Variants in BAZ1B observed in about 807,000 individuals in gnomAD.
The protein encoded by BAZ1B is tyrosine-protein kinase BAZ1B.
BAZ1B carries 22 observed loss-of-function variants against 153.8 expected under a neutral mutation model. That is an observed-to-expected ratio of 0.14 (90% CI 0.10 to 0.20). The LOEUF (loss-of-function observed/expected upper bound fraction) is 0.20. BAZ1B is among the 10% of genes least tolerant of loss of function. The pLI is 1.00. For missense variants in BAZ1B, 1,325 were observed against 1,799.3 expected, an observed-to-expected ratio of 0.74 and a Z score of 4.77; for synonymous variants, 676 against 633.4, an observed-to-expected ratio of 1.07 and a Z score of -1.01.
intron 1 of BAZ1B, among the ~76,000 whole-genome samples, chr7:73,517,182 C>CAA (rs201015912): frequency 1.1e-4 from 16 of 147,810 alleles, no homozygotes; most frequent in Non-Finnish European, 1.6e-4. Flanking sequence ...TAACCCAGCT[C>CAA]AAAAACAAAA....
chr7:73,492,870 C>T lies in BAZ1B; in HGVS notation c.623G>A (p.Gly208Glu), dbSNP rs782045032. The T allele has an allele frequency of 4.9e-5, 79 of 1,610,320 alleles. 1 individual carries two copies. In the Middle Eastern group the frequency reaches 5.4e-4, roughly 11 times the overall value. The change falls in exon 5 of 20, where the codon GGA (glycine) becomes GAA (glutamate). Residue 208 changes from glycine (G) to glutamate (E), a missense_variant. Transcript: ENST00000339594. ...TTTTGGAGGAGCCCATTTCCTTTCT[C>T]CTTTTTTTAATGAAGTAGGAAGTTT... ...PRKLPTSLKK[G>E]ERKWAPPKFL...
Position 73,440,577 on chromosome 7 carries a change from A to C in BAZ1B, c.*1132T>G, listed in dbSNP as rs1554564580. 6.6e-6 allele frequency: 1 copy of C among 151,942 alleles called. No individual in the cohort carries two copies. The highest frequency in any genetic ancestry group is 1.5e-5 in the Non-Finnish European group (1 of 68,006). The allele number at this position is 151,942 out of a possible 1,614,324, so 9.4% of individuals were successfully genotyped here. On this transcript the variant is annotated 3_prime_UTR_variant, in exon 20 of 20. Coordinates refer to ENST00000339594, the MANE Select transcript of BAZ1B (RefSeq NM_032408.4). ...CAGGATTCTCACTATGAACAAGAAC[A>C]GACTGGATGTAGGAGGCAGGGGAAG...
intron 6 of BAZ1B, among the ~76,000 whole-genome samples, chr7:73,484,651 A>T (rs1426704754): frequency 1.3e-5 from 2 of 152,200 alleles, no homozygotes; most frequent in Non-Finnish European, 2.9e-5. Flanking sequence ...AAAAAATAAA[A>T]AAATAAATAA....
intron 1 of BAZ1B, among the ~76,000 whole-genome samples, chr7:73,513,091 C>T (rs1790651919): frequency 6.6e-6 from 1 of 152,110 alleles, no homozygotes; most frequent in Non-Finnish European, 1.5e-5. Context: ...GTAGCTAGGA[C>T]TACAGGTGCA....
At chr7:73,487,872 A>AT (rs1392898951) in intron 6 of BAZ1B, among the ~76,000 whole-genome samples, 2 of 152,258 alleles carry the variant, frequency 1.3e-5, no homozygotes, top group Non-Finnish European at 2.9e-5. Context: ...TTTAAAGAGC[A>AT]TAACAGAAGA....
At chr7:73,490,046 T>C (rs1554575270) in intron 5 of BAZ1B, among the ~76,000 whole-genome samples, 2 of 152,234 alleles carry the variant, frequency 1.3e-5, no homozygotes, top group Non-Finnish European at 1.5e-5. Flanking sequence ...AATGAAACTA[T>C]GTACATATAA....
In BAZ1B at chr7:73,520,513, C is replaced by T. The variant is rs567585918; in HGVS notation, c.107+1314G>A. Among the ~76,000 whole-genome samples, 8 of 152,120 alleles carry T rather than the reference C, an allele frequency of 5.3e-5. No homozygotes were observed. The East Asian group carries it at 1.5e-3, about 29-fold the overall frequency. On this transcript the variant is annotated intron_variant, in intron 1 of 19. Coordinates refer to ENST00000339594, the MANE Select transcript of BAZ1B (RefSeq NM_032408.4). ...ATTTGACCTTCAACAAGTCAACCTCCACTCTCTGGGCCAACTCAGCAAACC... is the reference window on the plus strand; with the variant it reads ...ATTTGACCTTCAACAAGTCAACCTCTACTCTCTGGGCCAACTCAGCAAACC...
Position 73,508,346 on chromosome 7 carries a change from C to G in BAZ1B, c.350G>C (p.Gly117Ala). Residue 117 changes from glycine (G) to alanine (A), a missense_variant, in exon 3 of 20, where the codon GGA becomes GCA. By Grantham distance (60) the Gly-to-Ala change is moderately conservative. This residue lies in a region of BAZ1B where 153 missense variants were observed against 204.8 expected (regional missense o/e 0.75). Coordinates refer to ENST00000339594, the MANE Select transcript of BAZ1B (RefSeq NM_032408.4). ...WLEIMTKYAV[G>A]EECDFEVGKE... Reference sequence around the variant, plus strand: ...ACTCACCTCGAAGTCACACTCTTCTCCCACAGCATATTTGGTCATGATCTC... The same window carrying G: ...ACTCACCTCGAAGTCACACTCTTCTGCCACAGCATATTTGGTCATGATCTC... The G allele has an allele frequency of 6.2e-7, 1 of 1,613,834 alleles. No individual in the cohort carries two copies. The highest frequency in any genetic ancestry group is 8.5e-7 in the Non-Finnish European group (1 of 1,179,882).
chr7:73,451,311 A>AT (rs1201224241), intron 13 of BAZ1B, among the ~76,000 whole-genome samples: 6 of 152,206 alleles, frequency 3.9e-5, no homozygotes, highest in African/African-American at 1.4e-4. Flanking sequence ...TAGACAGCTA[A>AT]TAAAACTCCG....
chr7:73,442,157 GT>G, intron 19 of BAZ1B, 23 bp downstream of exon 19: 1 of 376,864 alleles, frequency 2.7e-6, no homozygotes, highest in Non-Finnish European at 4.0e-6. Flanking sequence ...CTCCCTAGCT[GT>G]CCCCCCACCT....
chr7:73,478,206 C>T lies in BAZ1B; in HGVS notation c.1255G>A (p.Gly419Arg). ...CCTTTTTTGGGAGATTTGGAATTCC[C>T]TGTGGATTTCTGTCCATTCAGGATG... ...KGILNGQKST[G>R]NSKSPKKGLK... Residue 419 changes from glycine (G) to arginine (R), a missense_variant, in exon 7 of 20, where the codon GGG (glycine) becomes AGG (arginine). This residue lies in a region of BAZ1B where 219 missense variants were observed against 248.2 expected (regional missense o/e 0.88). Transcript: ENST00000339594. 6.2e-7 allele frequency: 1 copy of T among 1,614,092 alleles called. No individual in the cohort carries two copies.
chr7:73,517,038 C>T (rs1023926131), intron 1 of BAZ1B, among the ~76,000 whole-genome samples: 12 of 151,666 alleles, frequency 7.9e-5, no homozygotes, highest in African/African-American at 2.7e-4. Context: ...AAAAAATTAG[C>T]CAGGCGTGGT....
chr7:73,444,153 G>T lies in BAZ1B; in HGVS notation c.3845-24C>A, dbSNP rs10258348. ...CACTGAAAGAAAAACTATGGATTCA[G>T]CAGAGAACAACGGAAGGTGAAGGGA... is the stretch of plus-strand genomic sequence containing the variant. On this transcript the variant is annotated intron_variant, in intron 16 of 19. Transcript: ENST00000339594. 4.0e-3 allele frequency: 6,285 copies of T among 1,571,740 alleles called. 221 individuals carry two copies. The African/African-American group carries it at 0.074, about 19-fold the overall frequency.
At chr7:73,445,422 T>C (rs1787795804) in intron 16 of BAZ1B, among the ~76,000 whole-genome samples, 1 of 152,114 alleles carries the variant, frequency 6.6e-6, no homozygotes, top group South Asian at 2.1e-4. Context: ...GACAAAAAGC[T>C]CTGAAGTACC....
intron 9 of BAZ1B, among the ~76,000 whole-genome samples, chr7:73,468,674 C>A (rs1258654641): frequency 6.6e-6 from 1 of 152,122 alleles, no homozygotes; most frequent in African/African-American, 2.4e-5. Flanking sequence ...CCTACATGAT[C>A]CCCTCTCAGT....
At chr7:73,456,706 C>T (rs1788214170) in intron 13 of BAZ1B, among the ~76,000 whole-genome samples, 1 of 151,932 alleles carries the variant, frequency 6.6e-6, no homozygotes, top group African/African-American at 2.4e-5. Context: ...CTCTGGGAGG[C>T]CATGGCCGGC....
rs1788580970 is a variant in BAZ1B at position 73,466,298 on chromosome 7, T to C, written c.2970A>G (p.Leu990=). 2 of 1,601,348 alleles carry C rather than the reference T, an allele frequency of 1.2e-6. No homozygotes were observed. Among genetic ancestry groups the C allele is most frequent in the African/African-American group, 1.3e-5 (1 of 74,630 alleles). The stretch of plus-strand genomic sequence containing the variant: ...AACCAGATGAATGCTCACATTACCA[T>C]AGGTTCTGTCCTTGTTTGGGTGTGG... ...ETTTPKQGQN[L]WFLCDSQKEL... is the part of the protein sequence containing the mutation. The change falls in exon 10 of 20, where the codon CTA becomes CTG. Residue 990 remains leucine (L), a splice_region_variant and synonymous_variant. Transcript: ENST00000339594.
At chr7:73,505,455 G>C (rs1790299847) in intron 3 of BAZ1B, among the ~76,000 whole-genome samples, 4 of 152,128 alleles carry the variant, frequency 2.6e-5, no homozygotes, top group Non-Finnish European at 4.4e-5. Flanking sequence ...CGTCTGTCTT[G>C]TTTAAGCCAG....
Position 73,477,753 on chromosome 7 carries a change from T to C in BAZ1B, c.1708A>G (p.Met570Val). 1 of 1,614,244 alleles carries C rather than the reference T, an allele frequency of 6.2e-7. No individual in the cohort carries two copies. The highest frequency in any genetic ancestry group is 8.5e-7 in the Non-Finnish European group (1 of 1,180,044). The change falls in exon 7 of 20, where the codon ATG becomes GTG. Residue 570 changes from methionine (M) to valine (V), a missense_variant. Transcript: ENST00000339594. This position sits in a 1 kb window ranked among gnomAD's most constrained non-coding sequence, Gnocchi z 5.6. Reference sequence around the variant, plus strand: ...TTCTGTTTTTCTAATCTCTCAAGCATTTCTTTCTCTCTTCGTTCTTTGGCT... The same window carrying C: ...TTCTGTTTTTCTAATCTCTCAAGCACTTCTTTCTCTCTTCGTTCTTTGGCT... ...EKAKERREKE[M>V]LERLEKQKRY...
Sources: gnomAD v4.1 joint callset for allele counts (sites outside exome capture counted in the v4.1 genomes callset) on GRCh38, gnomAD v4.1.1 for gene constraint, gnomAD v4.1.1 regional missense constraint, Gnocchi (gnomAD v3.1) non-coding constraint, MANE v1.5 for transcripts, NCBI Gene and HGNC (gene_info 2026-07-23, HGNC 2026-07-21) for gene names.